FBXW7: variants seen among roughly 807,000 people sequenced by gnomAD.
The protein encoded by FBXW7 is F-box/WD repeat-containing protein 7.
A neutral mutation model predicts 86.3 loss-of-function variants in FBXW7; 11 were observed. That is an observed-to-expected ratio of 0.13 (90% CI 0.08 to 0.21). FBXW7 has a LOEUF of 0.21. Ranked by LOEUF, FBXW7 falls within the 10% of genes least tolerant of loss-of-function variation. FBXW7 has a pLI of 1.00. For synonymous variants in FBXW7, 313 were observed against 297.9 expected, an observed-to-expected ratio of 1.05 and a Z score of -0.52; for missense variants, 488 against 847.4, an observed-to-expected ratio of 0.58 and a Z score of 5.27.
intron 2 of FBXW7, among the ~76,000 whole-genome samples, chr4:152,452,608 C>G (rs1203515402): frequency 6.6e-6 from 1 of 152,008 alleles, no homozygotes; most frequent in African/African-American, 2.4e-5. Context: ...ATTTAAAAAT[C>G]TAGCTTATAA....
intron 4 of FBXW7, among the ~76,000 whole-genome samples, chr4:152,383,799 TTAG>T (rs1420619971): frequency 1.3e-5 from 2 of 152,176 alleles, no homozygotes; most frequent in South Asian, 4.1e-4. Context: ...CCCATTCCTA[TTAG>T]TAGACCTTTC....
intron 4 of FBXW7, among the ~76,000 whole-genome samples, chr4:152,354,750 C>T (rs1732206198): frequency 6.6e-6 from 1 of 152,054 alleles, no homozygotes; most frequent in Non-Finnish European, 1.5e-5. Context: ...TACAGGAAAA[C>T]CTGTTCCCTA....
chr4:152,393,775 A>G (rs190789445), intron 4 of FBXW7, among the ~76,000 whole-genome samples: 33 of 152,250 alleles, frequency 2.2e-4, no homozygotes, highest in African/African-American at 6.7e-4. Flanking sequence ...CAAGTAATGC[A>G]TCTCCTAAAA....
chr4:152,380,971 G>C (rs1168556870), intron 4 of FBXW7, among the ~76,000 whole-genome samples: 1 of 151,930 alleles, frequency 6.6e-6, no homozygotes, highest in Non-Finnish European at 1.5e-5. Flanking sequence ...AAAATGACAA[G>C]GTGAAAGCAG....
intron 2 of FBXW7, among the ~76,000 whole-genome samples, chr4:152,529,788 T>C (rs886865696): frequency 6.6e-6 from 1 of 152,100 alleles, no homozygotes; most frequent in Admixed American, 6.5e-5. Flanking sequence ...GGCAACATGA[T>C]GCATGGCCTT....
chr4:152,528,639 T>C (rs1008336917), intron 2 of FBXW7, among the ~76,000 whole-genome samples: 5 of 152,200 alleles, frequency 3.3e-5, no homozygotes, highest in Non-Finnish European at 5.9e-5. Context: ...TTTTTAAAGA[T>C]ACTTGCATGT....
At chr4:152,485,986 C>A in intron 2 of FBXW7, among the ~76,000 whole-genome samples, 1 of 152,162 alleles carries the variant, frequency 6.6e-6, no homozygotes, top group East Asian at 1.9e-4. Flanking sequence ...CAAGCCTACA[C>A]GGTATAGCCC....
chr4:152,470,378 C>T lies in FBXW7; in HGVS notation c.-119-57849G>A, dbSNP rs1743839581. Among the ~76,000 whole-genome samples, 5 of 152,042 alleles carry T rather than the reference C, an allele frequency of 3.3e-5. No individual in the cohort carries two copies. In the South Asian group the frequency reaches 1.0e-3, roughly 31 times the overall value. ...CTGACAATCAACATATAATGTAACA[C>T]ATTCTGGTATCTAGTTACCATCTTT... On this transcript the variant is annotated intron_variant, in intron 2 of 13. Coordinates refer to ENST00000281708, the MANE Select transcript of FBXW7 (RefSeq NM_001349798.2).
intron 2 of FBXW7, among the ~76,000 whole-genome samples, chr4:152,469,424 A>C (rs1743749274): frequency 6.6e-6 from 1 of 152,280 alleles, no homozygotes; most frequent in South Asian, 2.1e-4. Flanking sequence ...AGTTTATGAA[A>C]TTCTTAACTA....
intron 4 of FBXW7, among the ~76,000 whole-genome samples, chr4:152,403,993 T>C (rs1455676363): frequency 1.3e-5 from 2 of 152,252 alleles, no homozygotes; most frequent in African/African-American, 4.8e-5. Flanking sequence ...ACTACTATGC[T>C]ATTACTCTTC....
At chr4:152,348,304 A>C (rs1731467032) in intron 5 of FBXW7, among the ~76,000 whole-genome samples, 1 of 152,088 alleles carries the variant, frequency 6.6e-6, no homozygotes, top group South Asian at 2.1e-4. Flanking sequence ...CTTCTTTCAA[A>C]TTCAAAGGTA....
chr4:152,346,266 G>A (rs61100484), intron 6 of FBXW7, among the ~76,000 whole-genome samples: 2,319 of 152,098 alleles, frequency 0.015, 36 homozygotes, highest in East Asian at 0.043. Context: ...TACAAGCATG[G>A]CACTGAAGAA....
Position 152,411,741 on chromosome 4 carries a change from A to T in FBXW7, c.63T>A (p.Gly21=), listed in dbSNP as rs2126882413. 1 of 1,613,558 alleles carries T rather than the reference A, an allele frequency of 6.2e-7. No homozygotes were observed. Among genetic ancestry groups the T allele is most frequent in the Non-Finnish European group, 8.5e-7 (1 of 1,179,772 alleles). ...KRRRTGGSLR[G]NPSSSQVDEE... ...CATCTACCTGGCTTGAGGAAGGGTT[A>T]CCTCTCAGAGAGCCTCCAGTTCGTC... is the stretch of plus-strand genomic sequence containing the variant. Residue 21 remains glycine, a synonymous_variant, in exon 4 of 14, where the codon GGT becomes GGA. Transcript: ENST00000281708.
chr4:152,382,747 A>T (rs961689795), intron 4 of FBXW7, among the ~76,000 whole-genome samples: 13 of 152,124 alleles, frequency 8.5e-5, no homozygotes, highest in Admixed American at 2.6e-4. Context: ...AAAATAAAAT[A>T]AAAAAAACAA....
chr4:152,405,977 C>T (rs1288622941), intron 4 of FBXW7, among the ~76,000 whole-genome samples: 1 of 152,114 alleles, frequency 6.6e-6, no homozygotes, highest in Admixed American at 6.5e-5. Flanking sequence ...GGTGAATGAT[C>T]GGAGCTTGAG....
intron 4 of FBXW7, among the ~76,000 whole-genome samples, chr4:152,402,549 A>G (rs1737040623): frequency 6.6e-6 from 1 of 152,238 alleles, no homozygotes; most frequent in South Asian, 2.1e-4. Flanking sequence ...AACGTTAACA[A>G]AAGTACAACC....
chr4:152,482,407 C>T (rs2149671850), intron 2 of FBXW7, among the ~76,000 whole-genome samples: 1 of 152,258 alleles, frequency 6.6e-6, no homozygotes, highest in African/African-American at 2.4e-5. Flanking sequence ...TGGTCTGGAA[C>T]CGAATCCACA....
intron 2 of FBXW7, chr4:152,530,329 T>C (rs1439646318): frequency 6.6e-6 from 1 of 152,140 alleles, no homozygotes. Flanking sequence ...CTCTTATAAT[T>C]TGACTCATAT....
intron 2 of FBXW7, among the ~76,000 whole-genome samples, chr4:152,452,222 G>A (rs963534836): frequency 3.9e-5 from 6 of 151,972 alleles, no homozygotes; most frequent in Admixed American, 6.5e-5. Flanking sequence ...TTTCTAACAG[G>A]GTAAATATCA....
Sources: gnomAD v4.1 joint callset for allele counts (sites outside exome capture counted in the v4.1 genomes callset) on GRCh38, gnomAD v4.1.1 for gene constraint, MANE v1.5 for transcripts, NCBI Gene and HGNC (gene_info 2026-07-23, HGNC 2026-07-21) for gene names.